Variants in INPP4B observed in about 807,000 individuals in gnomAD.
INPP4B encodes inositol polyphosphate 4-phosphatase type II.
A neutral mutation model predicts 122.5 loss-of-function variants in INPP4B; 55 were observed. That is an observed-to-expected ratio of 0.45 (90% confidence interval 0.36 to 0.56). The LOEUF is 0.56. INPP4B is among the 20% of genes least tolerant of loss of function. INPP4B has a pLI of 0.00. For missense variants in INPP4B, 1,000 were observed against 1,097.7 expected (o/e 0.91, Z 1.26); for synonymous variants, 403 against 388.7 (o/e 1.04, Z -0.43).
chr4:142,319,122 T>G (rs1013570130), intron 7 of INPP4B, among the ~76,000 whole-genome samples: 1 of 152,182 alleles, frequency 6.6e-6, no homozygotes, highest in African/African-American at 2.4e-5. Context: ...GAAAAGGCCA[T>G]GCTGTCCTGG....
intron 12 of INPP4B, among the ~76,000 whole-genome samples, chr4:142,215,892 C>CAAAAAAAAAAAAAA (rs200657873): frequency 5.5e-5 from 3 of 54,578 alleles, no homozygotes; most frequent in African/African-American, 2.3e-4. Flanking sequence ...GACTCTGTCT[C>CAAAAAAAAAAAAAA]AAAAAAAAAA....
chr4:142,418,629 G>A (rs1042933025), intron 5 of INPP4B, among the ~76,000 whole-genome samples: 1 of 152,058 alleles, frequency 6.6e-6, no homozygotes, highest in Non-Finnish European at 1.5e-5. Context: ...CAGCTAAGGG[G>A]GGACAATAAG....
intron 2 of INPP4B, among the ~76,000 whole-genome samples, chr4:142,472,711 C>T (rs1819095661): frequency 6.6e-6 from 1 of 152,106 alleles, no homozygotes; most frequent in South Asian, 2.1e-4. Context: ...ACCTGTTTCT[C>T]CAAAGCAAAG....
intron 1 of INPP4B, among the ~76,000 whole-genome samples, chr4:142,751,143 T>G (rs909760151): frequency 6.6e-6 from 1 of 151,954 alleles, no homozygotes; most frequent in African/African-American, 2.4e-5. Flanking sequence ...GTAAGCTCCA[T>G]GTTAGAACTA....
chr4:142,499,361 T>A (rs2149813707), intron 2 of INPP4B, among the ~76,000 whole-genome samples: 1 of 152,248 alleles, frequency 6.6e-6, no homozygotes, highest in Non-Finnish European at 1.5e-5. Context: ...AACAAGGAGT[T>A]ATTGTTAGCA....
chr4:142,030,225 C>G, intron 25 of INPP4B: 2 of 1,535,388 alleles, frequency 1.3e-6, no homozygotes, highest in Non-Finnish European at 8.7e-7. Flanking sequence ...ATAGAAGTGT[C>G]GAGAAGTTGG....
intron 2 of INPP4B, among the ~76,000 whole-genome samples, chr4:142,555,427 G>A (rs1454781179): frequency 1.3e-5 from 2 of 152,148 alleles, no homozygotes; most frequent in African/African-American, 4.8e-5. Flanking sequence ...TAAGGAGGGA[G>A]AATCTATAAG....
chr4:142,202,021 G>GT (rs964995097), intron 14 of INPP4B, among the ~76,000 whole-genome samples: 22 of 151,850 alleles, frequency 1.4e-4, no homozygotes, highest in East Asian at 3.9e-4. Context: ...ACAAAATACA[G>GT]TTTTTTTTCT....
chr4:142,445,335 T>C (rs1217656910), intron 3 of INPP4B, among the ~76,000 whole-genome samples: 1 of 152,034 alleles, frequency 6.6e-6, no homozygotes, highest in African/African-American at 2.4e-5. Flanking sequence ...TAGAAAAGAA[T>C]AATTATTTGA....
intron 12 of INPP4B, among the ~76,000 whole-genome samples, 165 bp from the exon 13 acceptor site, chr4:142,209,191 C>CA (rs961617277): frequency 6.6e-6 from 1 of 151,774 alleles, no homozygotes; most frequent in Non-Finnish European, 1.5e-5. Context: ...TATTTTAGCA[C>CA]AAAAAAATAT....
At chr4:142,528,260 T>C (rs1451549052) in intron 2 of INPP4B, among the ~76,000 whole-genome samples, 1 of 152,068 alleles carries the variant, frequency 6.6e-6, no homozygotes, top group Non-Finnish European at 1.5e-5. Flanking sequence ...TTTCTGTGGA[T>C]CAGGAATTCA....
At chr4:142,823,508 T>C (rs1336627301) in intron 1 of INPP4B, among the ~76,000 whole-genome samples, 1 of 152,204 alleles carries the variant, frequency 6.6e-6, no homozygotes, top group East Asian at 1.9e-4. Flanking sequence ...AATTTTAATA[T>C]GTAGTCTTTT....
intron 7 of INPP4B, among the ~76,000 whole-genome samples, chr4:142,372,339 C>T (rs1443686401): frequency 6.6e-6 from 1 of 151,898 alleles, no homozygotes; most frequent in Non-Finnish European, 1.5e-5. Flanking sequence ...TTATAGTGTT[C>T]AACAGCACAA....
Position 142,074,779 on chromosome 4 carries a change from T to C in INPP4B, c.2642+7252A>G, listed in dbSNP as rs916778897. ...CAGCTGAAGAAAATAAGTTGTTCAA[T>C]GTGCCACACATTACAACACTTAAAC... On this transcript the variant is annotated intron_variant, in intron 25 of 25. Coordinates refer to ENST00000262992, the MANE Select transcript of INPP4B (RefSeq NM_001101669.3). Among the ~76,000 whole-genome samples, 5 of 151,674 alleles carry C rather than the reference T, an allele frequency of 3.3e-5. No individual in the cohort carries two copies. The East Asian group carries it at 7.7e-4, about 23-fold the overall frequency.
chr4:142,421,358 C>G lies in INPP4B; in HGVS notation c.136+7815G>C, dbSNP rs531771492. ...CTATATAAGTAGGCAATTAGAGGCA[C>G]AGCCTGCCTAAAAAATCCTCCCTGT... On this transcript the variant is annotated intron_variant, in intron 5 of 25. Transcript: ENST00000262992. Among the ~76,000 whole-genome samples the G allele has an allele frequency of 6.6e-5, 10 of 152,216 alleles. No individual in the cohort carries two copies. The East Asian group carries it at 1.4e-3, about 21-fold the overall frequency.
At chr4:142,152,799 T>C (rs1173319706) in intron 17 of INPP4B, among the ~76,000 whole-genome samples, 1 of 152,160 alleles carries the variant, frequency 6.6e-6, no homozygotes, top group East Asian at 1.9e-4. Context: ...CCTGCATCCT[T>C]AGAATATCTT....
At chr4:142,349,850 G>C (rs574319837) in intron 7 of INPP4B, among the ~76,000 whole-genome samples, 45 of 150,460 alleles carry the variant, frequency 3.0e-4, no homozygotes, top group African/African-American at 9.7e-4. Context: ...TTATGCTCAA[G>C]TAATTCCAGA....
rs546917888 is a variant in INPP4B, at chr4:142,186,871, C to A, written c.1181+6216G>T. Among the ~76,000 whole-genome samples, 3 of 152,274 alleles carry A rather than the reference C, an allele frequency of 2.0e-5. No individual in the cohort carries two copies. In the South Asian group the frequency reaches 6.2e-4, roughly 32 times the overall value. On this transcript the variant is annotated intron_variant, in intron 15 of 25. Transcript: ENST00000262992. Reference sequence around the variant, plus strand: ...GCTTTGCAGGCCTCATTATTTACTTCATACAGTATGTTCAAGCCTCAGCAT... The same window carrying A: ...GCTTTGCAGGCCTCATTATTTACTTAATACAGTATGTTCAAGCCTCAGCAT...
intron 7 of INPP4B, among the ~76,000 whole-genome samples, chr4:142,384,754 T>C (rs1795375362): frequency 6.6e-6 from 1 of 151,930 alleles, no homozygotes; most frequent in Non-Finnish European, 1.5e-5. Context: ...GTCATGGGGG[T>C]TTGTTGTGCA....
Sources: allele counts gnomAD v4.1 joint callset (sites outside exome capture counted in the v4.1 genomes callset), GRCh38; gene constraint gnomAD v4.1.1; transcripts MANE v1.5; gene names NCBI Gene and HGNC (gene_info 2026-07-23, HGNC 2026-07-21).